SNTG1: variants seen among roughly 807,000 people sequenced by gnomAD.
SNTG1 encodes syntrophin gamma 1.
In SNTG1, 39 loss-of-function variants were observed where a neutral mutation model predicts 74.7. The ratio of observed to expected loss-of-function variants is 0.52; its 90% confidence interval spans 0.40 to 0.68. SNTG1 has a LOEUF of 0.68. Among genes scored for constraint, SNTG1 ranks in the 30% least tolerant of loss-of-function variants. The pLI is 0.00. For synonymous variants in SNTG1, 254 were observed against 217.1 expected, an observed-to-expected ratio of 1.17 and a Z score of -1.49; for missense variants, 685 against 609.5, an observed-to-expected ratio of 1.12 and a Z score of -1.30.
chr8:50,623,293 G>C (rs2094935427), intron 13 of SNTG1, among the ~76,000 whole-genome samples: 2 of 152,082 alleles, frequency 1.3e-5, no homozygotes, highest in South Asian at 2.1e-4. Flanking sequence ...AAGTGTGATG[G>C]TAGCTGTGGG....
At chr8:50,164,341 G>A (rs1052590193) in intron 1 of SNTG1, 1 of 151,964 alleles carries the variant, frequency 6.6e-6, no homozygotes, top group Non-Finnish European at 1.5e-5. Flanking sequence ...TTCTGAAAGG[G>A]GACTGCTTTT....
At chr8:50,583,731 G>A (rs188068085) in intron 12 of SNTG1, among the ~76,000 whole-genome samples, 1 of 146,234 alleles carries the variant, frequency 6.8e-6, no homozygotes, top group African/African-American at 2.6e-5. Context: ...TTTTTTTTCT[G>A]CTAGAGGTCA....
At chr8:50,621,378 C>T (rs906080407) in intron 13 of SNTG1, among the ~76,000 whole-genome samples, 1 of 152,104 alleles carries the variant, frequency 6.6e-6, no homozygotes, top group Admixed American at 6.5e-5. Context: ...CATCACAAGT[C>T]CTCCAACAAC....
At chr8:50,571,322 G>A (rs910551196) in intron 12 of SNTG1, among the ~76,000 whole-genome samples, 3 of 152,148 alleles carry the variant, frequency 2.0e-5, no homozygotes, top group South Asian at 2.1e-4. Context: ...CTCCTGTCCC[G>A]GGCTCAAGAG....
intron 15 of SNTG1, among the ~76,000 whole-genome samples, chr8:50,697,735 C>T (rs576491148): frequency 2.6e-5 from 4 of 152,140 alleles, no homozygotes; most frequent in African/African-American, 9.6e-5. Flanking sequence ...TAATGTATGA[C>T]ATTTATTTGT....
rs2129877809 is a variant in SNTG1 at position 50,509,145 on chromosome 8, C to A, written c.466+6265C>A. 2.0e-5 allele frequency among the ~76,000 whole-genome samples: 3 copies of A among 152,300 alleles called. No individual in the cohort carries two copies. The Middle Eastern group carries it at 0.01, about 518-fold the overall frequency. Reference sequence around the variant, plus strand: ...GTTTCAGCTTTCTACATATGGCTAGCCAGTTCTCCCAGCACCATTTATTAA... The same window carrying A: ...GTTTCAGCTTTCTACATATGGCTAGACAGTTCTCCCAGCACCATTTATTAA... On this transcript the variant is annotated intron_variant, in intron 9 of 18. Coordinates refer to ENST00000642720, the MANE Select transcript of SNTG1 (RefSeq NM_018967.5).
chr8:50,084,471 A>T (rs1177413409), intron 1 of SNTG1, among the ~76,000 whole-genome samples: 2 of 152,152 alleles, frequency 1.3e-5, no homozygotes, highest in Non-Finnish European at 2.9e-5. Context: ...AAAAAATAAA[A>T]TAAAAAAAAG....
rs138877767 is a variant in SNTG1 at position 50,761,313 on chromosome 8, G to T, written c.1395+9202G>T. On this transcript the variant is annotated intron_variant, in intron 18 of 18. Transcript: ENST00000642720. ...CATGACGTACTGAATAAAAGGTGCT[G>T]TTACAAACTTGCCTTCAGTAATGTT... Among the ~76,000 whole-genome samples the T allele has an allele frequency of 3.7e-3, 564 of 151,994 alleles. 4 individuals are homozygous for T. Among genetic ancestry groups the T allele is most frequent in the African/African-American group, 0.013 (522 of 41,542 alleles).
At chr8:50,251,575 C>T (rs1305593345) in intron 2 of SNTG1, among the ~76,000 whole-genome samples, 1 of 151,524 alleles carries the variant, frequency 6.6e-6, no homozygotes, top group Non-Finnish European at 1.5e-5. Flanking sequence ...CAGAGATACG[C>T]ATACTTATAT....
At chr8:50,070,128 G>A (rs1346451919) in intron 1 of SNTG1, among the ~76,000 whole-genome samples, 1 of 152,080 alleles carries the variant, frequency 6.6e-6, no homozygotes, top group Non-Finnish European at 1.5e-5. Context: ...AGTTAATAAG[G>A]TATTTTAATG....
At chr8:50,456,291 G>C (rs2093504568) in intron 8 of SNTG1, among the ~76,000 whole-genome samples, 1 of 152,082 alleles carries the variant, frequency 6.6e-6, no homozygotes, top group Non-Finnish European at 1.5e-5. Flanking sequence ...GAACAACTTA[G>C]AGAACTGAAA....
intron 12 of SNTG1, among the ~76,000 whole-genome samples, chr8:50,581,912 A>C (rs1340713704): frequency 6.6e-6 from 1 of 152,166 alleles, no homozygotes; most frequent in Non-Finnish European, 1.5e-5. Context: ...TATGTGCAAA[A>C]TTTGCAAGCC....
chr8:50,209,157 G>A lies in SNTG1; in HGVS notation c.-28+36522G>A, dbSNP rs1434192769. 2.6e-5 allele frequency among the ~76,000 whole-genome samples: 4 copies of A among 152,144 alleles called. No homozygotes were observed. In the South Asian group the frequency reaches 8.3e-4, roughly 32 times the overall value. On this transcript the variant is annotated intron_variant, in intron 2 of 18. Coordinates refer to ENST00000642720, the MANE Select transcript of SNTG1 (RefSeq NM_018967.5). Reference sequence around the variant, plus strand: ...GCAGTATGAGATCGAACTGCAAGGTGGCAGTGAGGCTGGGGGAGGGGTGCC... The same window carrying A: ...GCAGTATGAGATCGAACTGCAAGGTAGCAGTGAGGCTGGGGGAGGGGTGCC...
chr8:50,568,153 A>G (rs1454078413), intron 12 of SNTG1, among the ~76,000 whole-genome samples: 1 of 151,832 alleles, frequency 6.6e-6, no homozygotes, highest in Non-Finnish European at 1.5e-5. Flanking sequence ...ATTGTCCTTC[A>G]GGTTCATCCA....
At chr8:50,632,018 G>A (rs563059314) in intron 13 of SNTG1, among the ~76,000 whole-genome samples, 1 of 152,224 alleles carries the variant, frequency 6.6e-6, no homozygotes, top group Admixed American at 6.5e-5. Context: ...TTTGTCATTA[G>A]GAAATACTTC....
intron 15 of SNTG1, among the ~76,000 whole-genome samples, chr8:50,689,586 C>A (rs112037160): frequency 6.1e-5 from 9 of 147,710 alleles, no homozygotes; most frequent in Admixed American, 2.7e-4. Flanking sequence ...CCTTGCATCC[C>A]GGGGATGAAG....
intron 2 of SNTG1, among the ~76,000 whole-genome samples, chr8:50,300,962 A>G (rs533751135): frequency 2.0e-5 from 3 of 152,218 alleles, no homozygotes; most frequent in South Asian, 4.2e-4. Flanking sequence ...CTTGACTAGA[A>G]GGAGTAATTT....
At chr8:50,029,980 T>A (rs1012776758) in intron 1 of SNTG1, among the ~76,000 whole-genome samples, 2 of 152,132 alleles carry the variant, frequency 1.3e-5, no homozygotes, top group African/African-American at 4.8e-5. Context: ...GTATGAGGGT[T>A]CCCCATTCTT....
intron 2 of SNTG1, among the ~76,000 whole-genome samples, chr8:50,388,857 C>G (rs12541707): frequency 0.23 from 34,267 of 152,118 alleles, 4,326 homozygotes; most frequent in Middle Eastern, 0.36. Context: ...GATTAAATGG[C>G]TGGGCTCTGT....
Sources: allele counts gnomAD v4.1 joint callset (sites outside exome capture counted in the v4.1 genomes callset), GRCh38; gene constraint gnomAD v4.1.1; transcripts MANE v1.5; gene names NCBI Gene and HGNC (gene_info 2026-07-23, HGNC 2026-07-21).